The following IQGAP2 variants were observed in gnomAD, a reference collection of about 807,000 sequenced individuals.
IQGAP2 encodes the protein ras GTPase-activating-like protein IQGAP2.
IQGAP2 carries 173 observed loss-of-function variants against 201.3 expected under a neutral mutation model. The observed-to-expected ratio is 0.86, with a 90% CI of 0.76 to 0.98. The LOEUF (loss-of-function observed/expected upper bound fraction) is 0.98. Among genes scored for constraint, IQGAP2 ranks in the 50% least tolerant of loss-of-function variants. IQGAP2 has a pLI of 0.00. For missense variants in IQGAP2, 1,687 were observed against 1,864.8 expected, an observed-to-expected ratio of 0.90 and a Z score of 1.76; for synonymous variants, 675 against 673.9, an observed-to-expected ratio of 1.00 and a Z score of -0.03.
intron 13 of IQGAP2, among the ~76,000 whole-genome samples, chr5:76,614,633 G>C (rs1181243701): frequency 6.7e-5 from 1 of 14,864 alleles, no homozygotes; most frequent in Non-Finnish European, 1.1e-4. Context: ...TTTTTTTTTT[G>C]GAGACAGGAT....
At chr5:76,550,367 G>A (rs1743370128) in intron 2 of IQGAP2, among the ~76,000 whole-genome samples, 1 of 121,716 alleles carries the variant, frequency 8.2e-6, no homozygotes, top group Non-Finnish European at 1.7e-5. Context: ...TTTTTTTTCA[G>A]TATTTATTGA....
intron 4 of IQGAP2, among the ~76,000 whole-genome samples, chr5:76,572,262 C>T (rs2150274267): frequency 6.8e-6 from 1 of 147,444 alleles, no homozygotes; most frequent in South Asian, 2.2e-4. Context: ...CACCCAAGCT[C>T]GGGTGCATTG....
At position 76,695,595 on chromosome 5, in the gene IQGAP2, C is replaced by T. The variant is rs17681908; in HGVS notation, c.4135C>T (p.Arg1379Trp). 5,339 of 1,614,142 alleles carry T rather than the reference C, an allele frequency of 3.3e-3. 106 individuals carry two copies. The Admixed American group carries it at 0.035, about 10-fold the overall frequency. Residue 1379 changes from arginine (R) to tryptophan (W), a missense_variant, in exon 32 of 36, where the codon CGG becomes TGG. Physicochemically the swap from Arg to Trp is moderately radical, Grantham distance 101. Coordinates refer to ENST00000274364, the MANE Select transcript of IQGAP2 (RefSeq NM_006633.5). Reference protein sequence around the residue: ...QKKRKIQRNLRTLEQTGHVSS... With the variant: ...QKKRKIQRNLWTLEQTGHVSS... ...GAAGAGGAAAATCCAGAGGAATCTT[C>T]GGACGTTGGAACAGACTGGACACGT...
intron 1 of IQGAP2, among the ~76,000 whole-genome samples, chr5:76,430,933 T>A (rs77452337): frequency 0.051 from 7,719 of 152,212 alleles, 419 homozygotes; most frequent in African/African-American, 0.14. Context: ...AATATTTATA[T>A]TAGGAATATG....
chr5:76,447,382 A>G (rs1408748452), intron 1 of IQGAP2, among the ~76,000 whole-genome samples: 1 of 152,214 alleles, frequency 6.6e-6, no homozygotes, highest in African/African-American at 2.4e-5. Context: ...TGATCGGGAT[A>G]TAAACCTGGG....
At chr5:76,495,705 T>C (rs1411463076) in intron 2 of IQGAP2, among the ~76,000 whole-genome samples, 2 of 152,112 alleles carry the variant, frequency 1.3e-5, no homozygotes, top group Non-Finnish European at 2.9e-5. Context: ...TCAGGGAACT[T>C]ACAATCATGG....
intron 1 of IQGAP2, among the ~76,000 whole-genome samples, chr5:76,434,729 G>A (rs758790483): frequency 1.3e-5 from 2 of 152,090 alleles, no homozygotes; most frequent in African/African-American, 4.8e-5. Flanking sequence ...CCAGTAGTGG[G>A]ATTACTGGAT....
chr5:76,623,863 A>G (rs1324014914), intron 13 of IQGAP2, among the ~76,000 whole-genome samples: 2 of 150,790 alleles, frequency 1.3e-5, no homozygotes, highest in East Asian at 3.9e-4. Context: ...GTTTGTCGTC[A>G]GTGCCTGGCC....
At chr5:76,661,572 C>G (rs1292855340) in intron 21 of IQGAP2, among the ~76,000 whole-genome samples, 1 of 152,170 alleles carries the variant, frequency 6.6e-6, no homozygotes, top group Non-Finnish European at 1.5e-5. Context: ...TACTACTTCA[C>G]TGCTTATATT....
chr5:76,626,982 G>A (rs1027336702), intron 13 of IQGAP2, among the ~76,000 whole-genome samples: 4 of 152,090 alleles, frequency 2.6e-5, no homozygotes, highest in Admixed American at 2.0e-4. Flanking sequence ...CCATGCCGTT[G>A]GAGCCCCGCC....
intron 13 of IQGAP2, among the ~76,000 whole-genome samples, chr5:76,613,479 G>A (rs757849800): frequency 6.6e-6 from 1 of 152,072 alleles, no homozygotes; most frequent in Non-Finnish European, 1.5e-5. Flanking sequence ...TGTCTTATAG[G>A]ATTATGGTGA....
At chr5:76,618,789 A>G (rs1302069128) in intron 13 of IQGAP2, 4 of 704,350 alleles carry the variant, frequency 5.7e-6, no homozygotes, top group Admixed American at 5.8e-5. Context: ...GTCAACAAGC[A>G]TATATTTAAT....
intron 8 of IQGAP2, 77 bp from the exon 9 acceptor site, chr5:76,592,759 TCA>T: frequency 1.1e-6 from 1 of 947,666 alleles, no homozygotes; most frequent in Non-Finnish European, 1.7e-6. Context: ...TTGTCACTCT[TCA>T]CATTTTTCCA....
intron 8 of IQGAP2, among the ~76,000 whole-genome samples, chr5:76,591,083 T>G (rs978249595): frequency 6.6e-6 from 1 of 152,138 alleles, no homozygotes; most frequent in Non-Finnish European, 1.5e-5. Flanking sequence ...GGCAACAGAC[T>G]GAGACCCTCT....
intron 31 of IQGAP2, among the ~76,000 whole-genome samples, chr5:76,694,523 C>T (rs761223383): frequency 4.6e-5 from 7 of 152,120 alleles, no homozygotes; most frequent in Admixed American, 2.0e-4. Context: ...ATTGCTGTGC[C>T]GCAGTTTCCT....
chr5:76,603,241 T>G (rs1747554793), intron 11 of IQGAP2, among the ~76,000 whole-genome samples: 1 of 152,194 alleles, frequency 6.6e-6, no homozygotes, highest in Non-Finnish European at 1.5e-5. Flanking sequence ...AAACACAGTA[T>G]TGGAGCTTCT....
intron 1 of IQGAP2, among the ~76,000 whole-genome samples, chr5:76,404,070 T>C (rs1750659832): frequency 6.6e-6 from 1 of 152,176 alleles, no homozygotes; most frequent in Non-Finnish European, 1.5e-5. Context: ...CCGGCTTGAC[T>C]GGAAGGGCGG....
rs149256471 is a variant in IQGAP2, at chr5:76,423,394, G to A, written c.46+19803G>A. Among the ~76,000 whole-genome samples the A allele has an allele frequency of 8.2e-3, 1,249 of 152,208 alleles. 48 individuals carry two copies. The highest frequency in any genetic ancestry group is 0.055 in the Admixed American group (837 of 15,268). On this transcript the variant is annotated intron_variant, in intron 1 of 35. Transcript: ENST00000274364. ...TCCCAGCACTTTGGCAGGCCTAGGCGGGTGGATCACGAGATCAGGAGTTCA... is the reference window on the plus strand; with the variant it reads ...TCCCAGCACTTTGGCAGGCCTAGGCAGGTGGATCACGAGATCAGGAGTTCA...
At chr5:76,530,576 C>T (rs1759234874) in intron 2 of IQGAP2, among the ~76,000 whole-genome samples, 4 of 152,196 alleles carry the variant, frequency 2.6e-5, no homozygotes, top group Admixed American at 2.6e-4. Flanking sequence ...TAGGTTTCTC[C>T]TGTTTCAAAA....
Sources: gnomAD v4.1 joint callset for allele counts (sites outside exome capture counted in the v4.1 genomes callset) on GRCh38, gnomAD v4.1.1 for gene constraint, MANE v1.5 for transcripts, NCBI Gene and HGNC (gene_info 2026-07-23, HGNC 2026-07-21) for gene names.